The following SERPINB6 variants were observed in gnomAD, a reference collection of about 807,000 sequenced individuals.
The protein encoded by SERPINB6 is serpin B6.
Under a neutral mutation model 26.1 loss-of-function variants are expected in SERPINB6, and 16 were observed. The ratio of observed to expected loss-of-function variants is 0.61; its 90% CI spans 0.42 to 0.93. The LOEUF is 0.93. SERPINB6 is among the 40% of genes least tolerant of loss of function. SERPINB6 has a pLI of 0.00. For synonymous variants in SERPINB6, 174 were observed against 176.6 expected (o/e 0.99, Z 0.11); for missense variants, 420 against 478.0 (o/e 0.88, Z 1.13).
intron 1 of SERPINB6, among the ~76,000 whole-genome samples, chr6:2,964,677 G>A (rs1437189567): frequency 6.6e-6 from 1 of 152,176 alleles, no homozygotes; most frequent in East Asian, 1.9e-4. Flanking sequence ...TAAAAGAGAT[G>A]TTATAAAAGA....
chr6:2,952,979 G>A (rs1769982773), intron 5 of SERPINB6, 65 bp downstream of exon 5: 2 of 1,608,748 alleles, frequency 1.2e-6, no homozygotes, highest in Non-Finnish European at 1.7e-6. Flanking sequence ...GCAGACGCGG[G>A]AGGCCCCGAG....
chr6:2,965,450 T>C (rs1383169165), intron 1 of SERPINB6, among the ~76,000 whole-genome samples: 2 of 152,212 alleles, frequency 1.3e-5, no homozygotes, highest in East Asian at 3.8e-4. Context: ...ACACAGCACA[T>C]TGCTTACAGG....
At chr6:2,970,853 C>A (rs1267739087) in intron 1 of SERPINB6, 2 of 1,231,130 alleles carry the variant, frequency 1.6e-6, no homozygotes, top group Non-Finnish European at 1.0e-6. Context: ...AAACACAGAG[C>A]GGTAAGGAGA....
intron 5 of SERPINB6, among the ~76,000 whole-genome samples, chr6:2,952,226 C>A (rs1042902500): frequency 6.6e-6 from 1 of 152,188 alleles, no homozygotes; most frequent in Non-Finnish European, 1.5e-5. Context: ...GAAAATAATT[C>A]TTTCTGAATT....
chr6:2,954,724 G>A lies in SERPINB6; in HGVS notation c.313-15C>T, dbSNP rs190603417. The A allele has an allele frequency of 4.7e-5, 74 of 1,572,802 alleles. 1 individual carries two copies. In the Admixed American group the frequency reaches 1.2e-3, roughly 26 times the overall value. On this transcript the variant is annotated splice_polypyrimidine_tract_variant and intron_variant, in intron 3 of 6. Transcript: ENST00000380539. ...TCTCTAAAAGACTAGGATAGACAGA[G>A]TGACATAACTGCCTGGCTACAAAAA...
At chr6:2,963,027 G>GTC in intron 1 of SERPINB6, among the ~76,000 whole-genome samples, 1 of 152,266 alleles carries the variant, frequency 6.6e-6, no homozygotes, top group East Asian at 1.9e-4. Flanking sequence ...TAATGAGAAA[G>GTC]GAGATTGTCA....
chr6:2,969,762 G>T, intron 1 of SERPINB6: 2 of 904,166 alleles, frequency 2.2e-6, no homozygotes, highest in Non-Finnish European at 2.5e-6. Context: ...TCCTTGTGCA[G>T]TGTGTATGTG....
At position 2,959,229 on chromosome 6, in the gene SERPINB6, G is replaced by A. The variant is rs982920044; in HGVS notation, c.104C>T (p.Ser35Phe). The change falls in exon 2 of 7, where the codon TCC becomes TTC. Residue 35 changes from serine to phenylalanine, a missense_variant. Coordinates refer to ENST00000380539, the MANE Select transcript of SERPINB6 (RefSeq NM_004568.6). ...KNVFFSPMSM[S>F]CALAMVYMGA... Reference sequence around the variant, plus strand: ...CATGTAGACCATGGCCAGGGCACAGGACATGCTCATGGGTGAGAAAAACAC... The same window carrying A: ...CATGTAGACCATGGCCAGGGCACAGAACATGCTCATGGGTGAGAAAAACAC... 2 of 1,614,104 alleles carry A rather than the reference G, an allele frequency of 1.2e-6. No homozygotes were observed. Among genetic ancestry groups the A allele is most frequent in the African/African-American group, 2.7e-5 (2 of 74,930 alleles).
At position 2,948,470 on chromosome 6, in the gene SERPINB6, A is replaced by G. The variant is rs745633507; in HGVS notation, c.959T>C (p.Phe320Ser). The G allele has an allele frequency of 3.1e-6, 5 of 1,614,026 alleles. No homozygotes were observed. The highest frequency in any genetic ancestry group is 4.2e-6 in the Non-Finnish European group (5 of 1,180,016). ...LSLSKVVHKS[F>S]VEVNEEGTEA... The stretch of plus-strand genomic sequence containing the variant: ...CGTGCCTTCCTCATTGACCTCCACA[A>G]AAGACTTGTGCACGACCTTGGACAG... The change falls in exon 7 of 7, where the codon TTT (phenylalanine) becomes TCT (serine). Residue 320 changes from phenylalanine to serine, a missense_variant. By Grantham distance (155) the Phe-to-Ser change is radical. Transcript: ENST00000380539. This position sits in a 1 kb window ranked among gnomAD's most constrained non-coding sequence, Gnocchi z 5.0.
At position 2,970,898 on chromosome 6, in the gene SERPINB6, T is replaced by C. The variant is rs1022471333; in HGVS notation, c.-11+635A>G. On this transcript the variant is annotated intron_variant, in intron 1 of 6. Coordinates refer to ENST00000380539, the MANE Select transcript of SERPINB6 (RefSeq NM_004568.6). Reference sequence around the variant, plus strand: ...GTCCACACGATCGTCTCCACAGGTCTGGGCGACCTGAAAGTGCTGCGGATT... The same window carrying C: ...GTCCACACGATCGTCTCCACAGGTCCGGGCGACCTGAAAGTGCTGCGGATT... 5.7e-6 allele frequency: 7 copies of C among 1,230,160 alleles called. No homozygotes were observed. In the African/African-American group the frequency reaches 9.3e-5, roughly 16 times the overall value. 76.2% of individuals were successfully genotyped at this position (1,230,160 alleles called of 1,614,324 possible).
At position 2,948,936 on chromosome 6, in the gene SERPINB6, T is replaced by A. The variant is rs763058302; in HGVS notation, c.707A>T (p.Asp236Val). 6.2e-7 allele frequency: 1 copy of A among 1,614,174 alleles called. No individual in the cohort carries two copies. Among genetic ancestry groups the A allele is most frequent in the Admixed American group, 1.7e-5 (1 of 60,020 alleles). Residue 236 changes from aspartate (D) to valine (V), a missense_variant, in exon 6 of 7, where the codon GAC becomes GTC. By Grantham distance (152) the Asp-to-Val change is radical. Coordinates refer to ENST00000380539, the MANE Select transcript of SERPINB6 (RefSeq NM_004568.6). This position sits in a 1 kb window ranked among gnomAD's most constrained non-coding sequence, Gnocchi z 5.0. ...TACCGTTCTCAAGTCAGTGGTCTCG[T>A]CCGGAAGCATGATGATCATATTCAG... ...KELNMIIMLP[D>V]ETTDLRTVEK...
chr6:2,954,248 C>T (rs367632414), intron 4 of SERPINB6, among the ~76,000 whole-genome samples: 26 of 152,150 alleles, frequency 1.7e-4, no homozygotes, highest in East Asian at 9.7e-4. Flanking sequence ...ATCCACACTG[C>T]GAATTTTTTA....
At chr6:2,966,978 G>C in intron 1 of SERPINB6, 2 of 985,458 alleles carry the variant, frequency 2.0e-6, no homozygotes, top group Non-Finnish European at 2.4e-6. Context: ...TAAGGCACTT[G>C]CTGATTTCCT....
intron 2 of SERPINB6, chr6:2,956,006 G>A (rs1427245935): frequency 3.5e-6 from 1 of 286,756 alleles, no homozygotes; most frequent in Admixed American, 4.6e-5. Flanking sequence ...AACCCGGGAG[G>A]CGGAGGTTGC....
At chr6:2,960,557 T>C (rs924905214) in intron 1 of SERPINB6, 4 of 152,276 alleles carry the variant, frequency 2.6e-5, no homozygotes, top group African/African-American at 9.7e-5. Context: ...ACAGTCCCAG[T>C]GACTCACTTG....
intron 4 of SERPINB6, among the ~76,000 whole-genome samples, chr6:2,953,913 C>A (rs1355248062): frequency 6.6e-6 from 1 of 151,888 alleles, no homozygotes; most frequent in Non-Finnish European, 1.5e-5. Flanking sequence ...GCCTGTGATC[C>A]CAACTACTTG....
intron 1 of SERPINB6, among the ~76,000 whole-genome samples, chr6:2,962,804 G>A (rs541472099): frequency 3.9e-5 from 6 of 152,302 alleles, no homozygotes; most frequent in African/African-American, 1.4e-4. Context: ...TCCTACTCCT[G>A]ATAAACACCC....
At chr6:2,950,440 G>C (rs940705833) in intron 5 of SERPINB6, among the ~76,000 whole-genome samples, 1 of 150,874 alleles carries the variant, frequency 6.6e-6, no homozygotes, top group African/African-American at 2.4e-5. Context: ...GGCTGAGGTA[G>C]GAGAATCACT....
At chr6:2,958,369 G>T (rs1221463998) in intron 2 of SERPINB6, among the ~76,000 whole-genome samples, 2 of 152,240 alleles carry the variant, frequency 1.3e-5, no homozygotes, top group Non-Finnish European at 2.9e-5. Context: ...TACATCTGTG[G>T]TGTGCGCACC....
Sources: allele counts gnomAD v4.1 joint callset (sites outside exome capture counted in the v4.1 genomes callset), GRCh38; gene constraint gnomAD v4.1.1; non-coding constraint Gnocchi (gnomAD v3.1); transcripts MANE v1.5; gene names NCBI Gene and HGNC (gene_info 2026-07-23, HGNC 2026-07-21).